SLC12A2: variants seen among roughly 807,000 people sequenced by gnomAD.
The protein encoded by SLC12A2 is Na-K-2Cl cotransporter 1.
Under a neutral mutation model 136.3 loss-of-function variants are expected in SLC12A2, and 67 were observed. The ratio of observed to expected loss-of-function variants is 0.49; its 90% CI spans 0.40 to 0.60. SLC12A2 has a LOEUF of 0.60. Among genes scored for constraint, SLC12A2 ranks in the 20% least tolerant of loss-of-function variants. SLC12A2 has a pLI of 0.00. For synonymous variants in SLC12A2, 619 were observed against 562.9 expected (o/e 1.10, Z -1.41); for missense variants, 1,322 against 1,534.7 (o/e 0.86, Z 2.32).
At chr5:128,092,773 A>C (rs762908396) in intron 1 of SLC12A2, among the ~76,000 whole-genome samples, 1 of 152,162 alleles carries the variant, frequency 6.6e-6, no homozygotes, top group Non-Finnish European at 1.5e-5. Context: ...TTTGATTACT[A>C]TATTGGACAG....
chr5:128,188,392 T>G lies in SLC12A2; in HGVS notation c.*1761T>G, dbSNP rs1763934902. 6.7e-6 allele frequency: 1 copy of G among 149,174 alleles called. No homozygotes were observed. The highest frequency in any genetic ancestry group is 2.5e-5 in the African/African-American group (1 of 40,130). The allele number at this position is 149,174 out of a possible 1,614,324, so 9.2% of individuals were successfully genotyped here. ...TCACTGCGACCTCCACCTCCCCAGT[T>G]CAAGCGATTCTCCTGCCTCAGCCTC... On this transcript the variant is annotated 3_prime_UTR_variant, in exon 27 of 27. Coordinates refer to ENST00000262461, the MANE Select transcript of SLC12A2 (RefSeq NM_001046.3).
chr5:128,083,869 T>G lies in SLC12A2; in HGVS notation c.-86T>G. The G allele has an allele frequency of 2.0e-6, 2 of 1,018,718 alleles. No individual in the cohort carries two copies. Among genetic ancestry groups the G allele is most frequent in the Non-Finnish European group, 2.5e-6 (2 of 799,572 alleles). The allele number at this position is 1,018,718 out of a possible 1,614,324, so 63.1% of individuals were successfully genotyped here. ...AGACTCTCTCACCTGGTCTTGCGGC[T>G]GTGGCCACCGCCGGCCAGGGGTGTG... is the stretch of plus-strand genomic sequence containing the variant. On this transcript the variant is annotated 5_prime_UTR_variant, in exon 1 of 27. Transcript: ENST00000262461.
chr5:128,098,642 T>TG (rs1459611433), intron 1 of SLC12A2, among the ~76,000 whole-genome samples: 2 of 152,062 alleles, frequency 1.3e-5, no homozygotes, highest in African/African-American at 4.8e-5. Flanking sequence ...TTGGTTTTTT[T>TG]TTGTTGTTGT....
intron 1 of SLC12A2, among the ~76,000 whole-genome samples, chr5:128,087,415 G>A (rs923792220): frequency 4.4e-4 from 67 of 152,146 alleles, no homozygotes; most frequent in African/African-American, 1.5e-3. Context: ...GAAAGAAAAG[G>A]ATACTTGTAA....
At chr5:128,090,321 A>G (rs557874153) in intron 1 of SLC12A2, among the ~76,000 whole-genome samples, 2 of 152,328 alleles carry the variant, frequency 1.3e-5, no homozygotes, top group African/African-American at 2.4e-5. Flanking sequence ...ATGTTCATAC[A>G]TTTTAAAATC....
chr5:128,138,246 G>C (rs1762248360), intron 7 of SLC12A2, among the ~76,000 whole-genome samples: 1 of 152,048 alleles, frequency 6.6e-6, no homozygotes, highest in Non-Finnish European at 1.5e-5. Context: ...GCCCCCTTTT[G>C]TTTTTCTACC....
chr5:128,121,898 A>T (rs1243785493), intron 4 of SLC12A2, among the ~76,000 whole-genome samples: 5 of 152,156 alleles, frequency 3.3e-5, no homozygotes, highest in African/African-American at 1.2e-4. Context: ...TGCAACTTGG[A>T]TGGTGCTGGC....
intron 9 of SLC12A2, among the ~76,000 whole-genome samples, chr5:128,141,010 A>T: frequency 6.7e-6 from 1 of 150,064 alleles, no homozygotes; most frequent in African/African-American, 2.5e-5. Flanking sequence ...TAATACTGAA[A>T]AAGTGCTTCA....
At chr5:128,160,511 T>C (rs1364947264) in intron 16 of SLC12A2, among the ~76,000 whole-genome samples, 2 of 152,194 alleles carry the variant, frequency 1.3e-5, no homozygotes, top group Non-Finnish European at 2.9e-5. Flanking sequence ...ATCTCTGGTA[T>C]GTAAGAAGAA....
chr5:128,151,042 C>T (rs1184340276), intron 13 of SLC12A2, among the ~76,000 whole-genome samples, 199 bp from the exon 14 acceptor site: 1 of 151,830 alleles, frequency 6.6e-6, no homozygotes, highest in African/African-American at 2.4e-5. Context: ...GTTACCTTTT[C>T]ATAGCCATCA....
intron 9 of SLC12A2, among the ~76,000 whole-genome samples, chr5:128,139,392 G>A (rs868569854): frequency 1.3e-5 from 2 of 151,910 alleles, no homozygotes; most frequent in Non-Finnish European, 2.9e-5. Context: ...CTTAGGAAAA[G>A]TTTTACTAAA....
chr5:128,105,442 G>A (rs1760897344), intron 1 of SLC12A2, among the ~76,000 whole-genome samples: 1 of 152,160 alleles, frequency 6.6e-6, no homozygotes, highest in Admixed American at 6.5e-5. Flanking sequence ...GTGTCAGATG[G>A]TACTGTAGGA....
At chr5:128,096,260 G>A (rs916176580) in intron 1 of SLC12A2, among the ~76,000 whole-genome samples, 2 of 152,082 alleles carry the variant, frequency 1.3e-5, no homozygotes, top group Non-Finnish European at 2.9e-5. Flanking sequence ...TACTCATTAA[G>A]TATGAACAAA....
chr5:128,174,680 A>C lies in SLC12A2; in HGVS notation c.2929+14A>C. 6.4e-7 allele frequency: 1 copy of C among 1,566,758 alleles called. No homozygotes were observed. Among genetic ancestry groups the C allele is most frequent in the Non-Finnish European group, 8.7e-7 (1 of 1,154,686 alleles). Reference sequence around the variant, plus strand: ...TTACACACAAAGGTAATTTTCATTCAAACAATAAGTCTTATTAATAGTAAT... The same window carrying C: ...TTACACACAAAGGTAATTTTCATTCCAACAATAAGTCTTATTAATAGTAAT... On this transcript the variant is annotated intron_variant, in intron 20 of 26. Transcript: ENST00000262461.
intron 18 of SLC12A2, chr5:128,170,754 T>A (rs923741696): frequency 1.3e-5 from 2 of 152,156 alleles, no homozygotes; most frequent in African/African-American, 4.8e-5. Context: ...AGTCTGGTTT[T>A]AAAGCTGTCT....
intron 4 of SLC12A2, among the ~76,000 whole-genome samples, chr5:128,126,972 T>TATATATATAA (rs1761833098): frequency 1.0e-5 from 1 of 99,200 alleles, no homozygotes; most frequent in African/African-American, 6.1e-5. Flanking sequence ...ATATATTTTT[T>TATATATATAA]TTTTTTTTTT....
intron 1 of SLC12A2, among the ~76,000 whole-genome samples, chr5:128,104,390 G>C (rs1233476307): frequency 6.6e-6 from 1 of 152,088 alleles, no homozygotes; most frequent in Non-Finnish European, 1.5e-5. Flanking sequence ...CCAGCACTTT[G>C]GGAGGCCCAG....
intron 1 of SLC12A2, among the ~76,000 whole-genome samples, chr5:128,102,235 AC>A (rs947871638): frequency 6.6e-6 from 1 of 152,174 alleles, no homozygotes; most frequent in Non-Finnish European, 1.5e-5. Context: ...TCTAAAAAAA[AC>A]ATAAAATACA....
intron 4 of SLC12A2, among the ~76,000 whole-genome samples, chr5:128,120,618 C>A (rs1025635787): frequency 6.6e-6 from 1 of 150,994 alleles, no homozygotes; most frequent in African/African-American, 2.5e-5. Context: ...GACAAAAAAC[C>A]AAACACTGCA....
Sources: gnomAD v4.1 joint callset for allele counts (sites outside exome capture counted in the v4.1 genomes callset) on GRCh38, gnomAD v4.1.1 for gene constraint, MANE v1.5 for transcripts, NCBI Gene and HGNC (gene_info 2026-07-23, HGNC 2026-07-21) for gene names.